TAOK1: variants seen among roughly 807,000 people sequenced by gnomAD.
TAOK1 encodes the protein serine/threonine-protein kinase TAO1.
TAOK1 carries 21 observed loss-of-function variants against 138.3 expected under a neutral mutation model. That is an observed-to-expected ratio of 0.15 (90% CI 0.11 to 0.22). The LOEUF (loss-of-function observed/expected upper bound fraction) is 0.22. Ranked by LOEUF, TAOK1 falls within the 10% of genes least tolerant of loss-of-function variation. The probability of loss-of-function intolerance (pLI) is 1.00; values close to 1 mark genes in which losing one functional copy is unlikely to be tolerated. For synonymous variants in TAOK1, 361 were observed against 398.4 expected (o/e 0.91, Z 1.12); for missense variants, 651 against 1,227.7 (o/e 0.53, Z 7.02).
At chr17:29,540,533 TTTTC>T (rs2150778364) in intron 19 of TAOK1, among the ~76,000 whole-genome samples, 1 of 151,854 alleles carries the variant, frequency 6.6e-6, no homozygotes, top group South Asian at 2.1e-4. Flanking sequence ...CCCGGCTAAT[TTTTC>T]TTTTTGTTTT....
chr17:29,465,659 G>A (rs923859399), intron 2 of TAOK1, among the ~76,000 whole-genome samples: 7 of 152,018 alleles, frequency 4.6e-5, no homozygotes, highest in Admixed American at 2.6e-4. Flanking sequence ...ATTCATTAGA[G>A]CCTGAATTGA....
intron 1 of TAOK1, among the ~76,000 whole-genome samples, chr17:29,414,049 A>AT (rs895242324): frequency 5.3e-5 from 8 of 150,746 alleles, no homozygotes; most frequent in East Asian, 2.0e-4. Context: ...AGCCCAGCTA[A>AT]TTTTTTTGTA....
At chr17:29,433,786 C>T (rs1317028777) in intron 1 of TAOK1, among the ~76,000 whole-genome samples, 2 of 152,136 alleles carry the variant, frequency 1.3e-5, no homozygotes, top group East Asian at 3.9e-4. Context: ...TGTAGTTTCT[C>T]TGGGGACCCT....
chr17:29,514,076 T>C (rs1281593273), intron 15 of TAOK1: 1 of 152,212 alleles, frequency 6.6e-6, no homozygotes, highest in Non-Finnish European at 1.5e-5. Flanking sequence ...TGCAGTGAGC[T>C]GGGCCACTGC....
chr17:29,407,840 C>G (rs1905036540), intron 1 of TAOK1, among the ~76,000 whole-genome samples: 1 of 152,174 alleles, frequency 6.6e-6, no homozygotes, highest in East Asian at 1.9e-4. Context: ...TCCTTATTTA[C>G]CTACCTATTT....
At chr17:29,495,148 T>C (rs2031388459) in intron 10 of TAOK1, among the ~76,000 whole-genome samples, 1 of 152,198 alleles carries the variant, frequency 6.6e-6, no homozygotes, top group Non-Finnish European at 1.5e-5. Flanking sequence ...ATATCTAGTG[T>C]CTAAATTCAT....
intron 1 of TAOK1, among the ~76,000 whole-genome samples, chr17:29,419,739 C>A (rs1053858938): frequency 3.9e-5 from 6 of 152,082 alleles, no homozygotes; most frequent in African/African-American, 1.4e-4. Context: ...AGCGATCCTC[C>A]CACTTCAGCC....
In TAOK1 at chr17:29,549,857, C is replaced by T. The variant is rs1049077765; in HGVS notation, c.*6835C>T. 1 of 152,104 alleles carries T rather than the reference C, an allele frequency of 6.6e-6. No homozygotes were observed. Among genetic ancestry groups the T allele is most frequent in the Non-Finnish European group, 1.5e-5 (1 of 68,012 alleles). The allele number at this position is 152,104 out of a possible 1,614,324, so 9.4% of individuals were successfully genotyped here. A position where few individuals can be genotyped will look rare whatever the true frequency, so the allele number is the denominator to read the frequency against. On this transcript the variant is annotated 3_prime_UTR_variant, in exon 20 of 20. Coordinates refer to ENST00000261716, the MANE Select transcript of TAOK1 (RefSeq NM_020791.4). ...TTCACAATATCAAAGAAACCACCAC[C>T]CTTCTTCCTAACAGCATTTTATGCC...
At chr17:29,542,007 T>C (rs2032326241) in intron 19 of TAOK1, among the ~76,000 whole-genome samples, 1 of 151,934 alleles carries the variant, frequency 6.6e-6, no homozygotes, top group South Asian at 2.1e-4. Context: ...CCTGAGTAGC[T>C]GGGACTACAG....
At chr17:29,497,373 G>A (rs1374296766) in intron 11 of TAOK1, among the ~76,000 whole-genome samples, 1 of 152,156 alleles carries the variant, frequency 6.6e-6, no homozygotes, top group Non-Finnish European at 1.5e-5. Context: ...TTTCAGATAT[G>A]TGAAATACTT....
rs2030699143 is a variant in TAOK1 at position 29,467,478 on chromosome 17, T to C, written c.204+262T>C. Reference sequence around the variant, plus strand: ...TTAGTAGAGATGGGTTTCACCGTGTTAGCCAGGATGGTCTTGATCTCCTGA... The same window carrying C: ...TTAGTAGAGATGGGTTTCACCGTGTCAGCCAGGATGGTCTTGATCTCCTGA... On this transcript the variant is annotated intron_variant, in intron 3 of 19. Coordinates refer to ENST00000261716, the MANE Select transcript of TAOK1 (RefSeq NM_020791.4). Among the ~76,000 whole-genome samples, 7 of 152,160 alleles carry C rather than the reference T, an allele frequency of 4.6e-5. 1 individual carries two copies. In the South Asian group the frequency reaches 1.5e-3, roughly 32 times the overall value.
chr17:29,429,313 T>C (rs149914456), intron 1 of TAOK1, among the ~76,000 whole-genome samples: 1,988 of 152,220 alleles, frequency 0.013, 44 homozygotes, highest in African/African-American at 0.045. Flanking sequence ...TCTTTGTTTT[T>C]TTGGAGAGTC....
At chr17:29,492,000 T>C in intron 10 of TAOK1, 135 bp downstream of exon 10, 2 of 604,036 alleles carry the variant, frequency 3.3e-6, no homozygotes, top group Non-Finnish European at 5.8e-6. Flanking sequence ...TCCTCCCACC[T>C]CAGCCTCCCA....
At chr17:29,453,639 C>T (rs1343093077) in intron 2 of TAOK1, among the ~76,000 whole-genome samples, 3 of 147,280 alleles carry the variant, frequency 2.0e-5, no homozygotes, top group African/African-American at 5.0e-5. Context: ...TGCAGTGGTG[C>T]GTTCTCAGCT....
At position 29,498,672 on chromosome 17, in the gene TAOK1, C is replaced by T; in HGVS notation, c.1203+151C>T. On this transcript the variant is annotated intron_variant, in intron 12 of 19. Transcript: ENST00000261716. ...GTGGCTCATGCCTGTAATCCCAGCA[C>T]TTTGGGAGGCCGAGGCGGGTGGATC... 5 of 843,462 alleles carry T rather than the reference C, an allele frequency of 5.9e-6. No homozygotes were observed. The South Asian group carries it at 8.4e-5, about 14-fold the overall frequency. 52.2% of individuals were successfully genotyped at this position (843,462 alleles called of 1,614,324 possible). A position where few individuals can be genotyped will look rare whatever the true frequency, so the allele number is the denominator to read the frequency against.
intron 1 of TAOK1, among the ~76,000 whole-genome samples, chr17:29,409,317 A>ATG (rs1905080629): frequency 3.0e-5 from 2 of 65,664 alleles, no homozygotes; most frequent in Non-Finnish European, 5.7e-5. Context: ...ACATATATAT[A>ATG]TATATATATA....
intron 19 of TAOK1, among the ~76,000 whole-genome samples, chr17:29,535,567 C>T (rs1304214802): frequency 6.6e-6 from 1 of 151,998 alleles, no homozygotes; most frequent in Non-Finnish European, 1.5e-5. Flanking sequence ...TAAAAAATAT[C>T]TTTTAAACCA....
At chr17:29,442,389 GTTTTTTTTT>G (rs531137552) in intron 1 of TAOK1, among the ~76,000 whole-genome samples, 1 of 130,496 alleles carries the variant, frequency 7.7e-6, no homozygotes, top group Non-Finnish European at 1.7e-5. Flanking sequence ...ATTTTTTTCT[GTTTTTTTTT>G]TTTTTAACAT....
chr17:29,539,014 C>T (rs777310710), intron 19 of TAOK1, among the ~76,000 whole-genome samples: 9 of 151,976 alleles, frequency 5.9e-5, no homozygotes, highest in African/African-American at 1.7e-4. Flanking sequence ...CCCAGCACTT[C>T]GGAAGGCCGA....
Sources: allele counts gnomAD v4.1 joint callset (sites outside exome capture counted in the v4.1 genomes callset), GRCh38; gene constraint gnomAD v4.1.1; transcripts MANE v1.5; gene names NCBI Gene and HGNC (gene_info 2026-07-23, HGNC 2026-07-21).